Variants in SSH2 observed in about 807,000 individuals in gnomAD.
SSH2 encodes the protein protein phosphatase Slingshot homolog 2.
SSH2 carries 37 observed loss-of-function variants against 135.2 expected under a neutral mutation model. That is an observed-to-expected ratio of 0.27 (90% CI 0.21 to 0.36). The LOEUF (loss-of-function observed/expected upper bound fraction) is 0.36. Among genes scored for constraint, SSH2 ranks in the 10% least tolerant of loss-of-function variants. The pLI is 1.00. For missense variants in SSH2, 1,408 were observed against 1,765.3 expected (o/e 0.80, Z 3.63); for synonymous variants, 628 against 646.2 (o/e 0.97, Z 0.43).
At chr17:29,761,450 G>C in intron 3 of SSH2, 2 of 997,024 alleles carry the variant, frequency 2.0e-6, no homozygotes, top group South Asian at 8.6e-5. Flanking sequence ...GTCGCCAGCA[G>C]TTCGCCCCCA....
chr17:29,817,954 GA>G (rs1405346770), intron 2 of SSH2, among the ~76,000 whole-genome samples: 2 of 151,640 alleles, frequency 1.3e-5, no homozygotes, highest in Non-Finnish European at 2.9e-5. Flanking sequence ...TATTTTTGTA[GA>G]GACAGGATCT....
chr17:29,636,709 G>C lies in SSH2; in HGVS notation c.1521C>G (p.Asn507Lys). The change falls in exon 15 of 16, where the codon AAC becomes AAG. Residue 507 changes from asparagine (N) to lysine (K), a missense_variant. Physicochemically the swap from Asn to Lys is moderately conservative, Grantham distance 94. Around this residue, in one of 3 missense-constraint regions of SSH2, gnomAD observed 1,080 missense variants for 1,144.5 expected, o/e 0.94. Coordinates refer to ENST00000540801, the MANE Select transcript of SSH2 (RefSeq NM_001282129.2). ...CTGCTGAGGTGGTGATATCCTTCTT[G>C]TTGAGTTCTAGCCCAGGTTTGCAGA... ...EPICKPGLELNKKDITTSADQ... is the reference protein window; with the variant it reads ...EPICKPGLELKKKDITTSADQ... 6.2e-7 allele frequency: 1 copy of C among 1,614,124 alleles called. No homozygotes were observed. Among genetic ancestry groups the C allele is most frequent in the Non-Finnish European group, 8.5e-7 (1 of 1,180,040 alleles).
chr17:29,680,632 A>C (rs1165429321), intron 6 of SSH2, among the ~76,000 whole-genome samples: 1 of 147,256 alleles, frequency 6.8e-6, no homozygotes, highest in Non-Finnish European at 1.5e-5. Flanking sequence ...CAGCTTATCC[A>C]CATTAGAACC....
intron 11 of SSH2, among the ~76,000 whole-genome samples, chr17:29,663,504 T>A (rs768437826): frequency 5.9e-5 from 9 of 152,236 alleles, no homozygotes; most frequent in Non-Finnish European, 1.2e-4. Flanking sequence ...AGACAACCTG[T>A]TCATGCATTT....
At chr17:29,658,943 G>A (rs1177536835) in intron 11 of SSH2, among the ~76,000 whole-genome samples, 1 of 150,196 alleles carries the variant, frequency 6.7e-6, no homozygotes, top group Non-Finnish European at 1.5e-5. Context: ...TCCTATTGGT[G>A]ACATTTTCAT....
intron 1 of SSH2, among the ~76,000 whole-genome samples, chr17:29,886,332 T>C (rs992210565): frequency 6.6e-6 from 1 of 152,190 alleles, no homozygotes; most frequent in Non-Finnish European, 1.5e-5. Flanking sequence ...GCAAAGAGAC[T>C]GGTGGCATTT....
At chr17:29,673,307 C>T (rs546749274) in intron 8 of SSH2, among the ~76,000 whole-genome samples, 8 of 152,144 alleles carry the variant, frequency 5.3e-5, no homozygotes, top group South Asian at 2.1e-4. Context: ...CGGTGGCTCA[C>T]GCCTGTAATC....
At chr17:29,743,160 G>A (rs1319419912) in intron 3 of SSH2, among the ~76,000 whole-genome samples, 1 of 151,822 alleles carries the variant, frequency 6.6e-6, no homozygotes, top group Non-Finnish European at 1.5e-5. Context: ...TTGAACTCCT[G>A]GCCTCAAGCA....
At chr17:29,830,457 A>G (rs1043173894) in intron 2 of SSH2, among the ~76,000 whole-genome samples, 2 of 152,196 alleles carry the variant, frequency 1.3e-5, no homozygotes, top group Non-Finnish European at 2.9e-5. Flanking sequence ...TGATTGCTAT[A>G]TTCTCATAGT....
chr17:29,877,301 GAGAAC>G (rs1236798213), intron 1 of SSH2, among the ~76,000 whole-genome samples: 1 of 152,176 alleles, frequency 6.6e-6, no homozygotes, highest in Non-Finnish European at 1.5e-5. Context: ...AACCACTATG[GAGAAC>G]AGTTTGGAGG....
chr17:29,758,646 T>C (rs1342396088), intron 3 of SSH2, among the ~76,000 whole-genome samples: 4 of 152,166 alleles, frequency 2.6e-5, no homozygotes, highest in Admixed American at 6.6e-5. Flanking sequence ...CCCAAAGACA[T>C]TAATTAGTAG....
intron 3 of SSH2, chr17:29,775,866 AG>A: frequency 6.6e-6 from 1 of 152,350 alleles, no homozygotes; most frequent in African/African-American, 2.4e-5. Context: ...TCTGTGTTCC[AG>A]GGGAGATATC....
chr17:29,778,437 C>G (rs1468889679), intron 3 of SSH2, among the ~76,000 whole-genome samples: 2 of 152,056 alleles, frequency 1.3e-5, no homozygotes, highest in East Asian at 1.9e-4. Flanking sequence ...GTCAGGAGAT[C>G]GAGACCAGCC....
chr17:29,913,347 A>AAAAAAAATTATAT, intron 1 of SSH2, among the ~76,000 whole-genome samples: 2 of 28,786 alleles, frequency 6.9e-5, no homozygotes, highest in East Asian at 2.2e-3. Flanking sequence ...AAAAAAAAAA[A>AAAAAAAATTATAT]ATATATATAT....
rs138215503 is a variant in SSH2, at chr17:29,817,870, G to A, written c.145-23933C>T. On this transcript the variant is annotated intron_variant, in intron 2 of 15. Transcript: ENST00000540801. ...ACTCCTGGACTCAAGGGATCCTCCCGCCTCAGCCTCCAGAGTAACTGGGAC... is the reference window on the plus strand; with the variant it reads ...ACTCCTGGACTCAAGGGATCCTCCCACCTCAGCCTCCAGAGTAACTGGGAC... Among the ~76,000 whole-genome samples the A allele has an allele frequency of 2.4e-3, 367 of 152,084 alleles. 1 individual carries two copies. Among genetic ancestry groups the A allele is most frequent in the African/African-American group, 8.6e-3 (356 of 41,472 alleles).
chr17:29,673,298 G>A lies in SSH2; in HGVS notation c.615-1169C>T, dbSNP rs1424188987. ...AAAAAAAGACATTATGGCCAGGCAC[G>A]GTGGCTCACGCCTGTAATCCTAGCA... On this transcript the variant is annotated intron_variant, in intron 8 of 15. Transcript: ENST00000540801. Among the ~76,000 whole-genome samples the A allele has an allele frequency of 2.6e-5, 4 of 151,752 alleles. 1 individual carries two copies. Among genetic ancestry groups the A allele is most frequent in the Non-Finnish European group, 5.9e-5 (4 of 67,944 alleles).
At chr17:29,685,854 T>G (rs1340053995) in intron 5 of SSH2, among the ~76,000 whole-genome samples, 4 of 147,918 alleles carry the variant, frequency 2.7e-5, no homozygotes, top group Non-Finnish European at 6.0e-5. Context: ...TTCTTTTTCT[T>G]TTTTTTTTTT....
At chr17:29,664,520 C>T (rs2037192212) in intron 11 of SSH2, among the ~76,000 whole-genome samples, 1 of 151,876 alleles carries the variant, frequency 6.6e-6, no homozygotes, top group South Asian at 2.1e-4. Context: ...TTTAGACAGG[C>T]TCTCTCTTTG....
chr17:29,669,881 CTT>C (rs571124019), intron 9 of SSH2, among the ~76,000 whole-genome samples: 16 of 132,964 alleles, frequency 1.2e-4, no homozygotes, highest in Admixed American at 1.5e-4. Context: ...CTAATAAAAT[CTT>C]TTTTTTTTTT....
Sources: gnomAD v4.1 joint callset for allele counts (sites outside exome capture counted in the v4.1 genomes callset) on GRCh38, gnomAD v4.1.1 for gene constraint, gnomAD v4.1.1 regional missense constraint, MANE v1.5 for transcripts, NCBI Gene and HGNC (gene_info 2026-07-23, HGNC 2026-07-21) for gene names.